GALNT13: variants seen among roughly 807,000 people sequenced by gnomAD.
GALNT13 encodes the protein polypeptide N-acetylgalactosaminyltransferase 13.
In GALNT13, 28 loss-of-function variants were observed where a neutral mutation model predicts 64.2. That is an observed-to-expected ratio of 0.44 (90% confidence interval 0.32 to 0.60). The LOEUF is 0.60. Among genes scored for constraint, GALNT13 ranks in the 20% least tolerant of loss-of-function variants. The probability of loss-of-function intolerance (pLI) is 0.05; values close to 1 mark genes in which losing one functional copy is unlikely to be tolerated. For missense variants in GALNT13, 577 were observed against 669.8 expected (o/e 0.86, Z 1.53); for synonymous variants, 214 against 224.6 (o/e 0.95, Z 0.42).
At chr2:153,704,195 A>C in the GALNT13 span, among the ~76,000 whole-genome samples, 1 of 152,172 alleles carries the variant, frequency 6.6e-6, no homozygotes, top group African/African-American at 2.4e-5. Context: ...AGAACATTAA[A>C]AACCAAACAT....
At chr2:153,316,597 C>A in the GALNT13 span, among the ~76,000 whole-genome samples, 1 of 143,802 alleles carries the variant, frequency 7.0e-6, no homozygotes. Context: ...GCCGAGATTG[C>A]GCCACTGCAC....
chr2:153,729,132 A>G, the GALNT13 span, among the ~76,000 whole-genome samples: 7 of 152,190 alleles, frequency 4.6e-5, no homozygotes, highest in African/African-American at 1.7e-4. Flanking sequence ...TCCCTAACTC[A>G]TAGCCAATAT....
chr2:153,853,599 AC>A, the GALNT13 span, among the ~76,000 whole-genome samples: 19 of 152,178 alleles, frequency 1.2e-4, no homozygotes, highest in Non-Finnish European at 2.8e-4. Context: ...ACATGCAACA[AC>A]ATGGGTGAAT....
In GALNT13 at chr2:154,153,108, T is replaced by C. The variant is rs957016413; in HGVS notation, c.311+12603T>C. Reference sequence around the variant, plus strand: ...TGATGGTGACGTACAGATGGGTTTTTGGTGTGGATGTCCTTTCTGTTTGTT... The same window carrying C: ...TGATGGTGACGTACAGATGGGTTTTCGGTGTGGATGTCCTTTCTGTTTGTT... On this transcript the variant is annotated intron_variant, in intron 4 of 12. Transcript: ENST00000392825. Among the ~76,000 whole-genome samples, 13 of 152,314 alleles carry C rather than the reference T, an allele frequency of 8.5e-5. No individual in the cohort carries two copies. In the South Asian group the frequency reaches 2.5e-3, roughly 29 times the overall value.
the GALNT13 span, among the ~76,000 whole-genome samples, chr2:153,185,284 C>T: frequency 6.6e-6 from 1 of 152,140 alleles, no homozygotes; most frequent in African/African-American, 2.4e-5. Context: ...GGTTGTATTT[C>T]TGTGGGATCA....
the GALNT13 span, among the ~76,000 whole-genome samples, chr2:153,805,897 G>A: frequency 6.6e-6 from 1 of 151,878 alleles, no homozygotes; most frequent in Non-Finnish European, 1.5e-5. Flanking sequence ...TACTAAATTT[G>A]AAATGGAAGT....
At chr2:153,775,649 G>C in the GALNT13 span, among the ~76,000 whole-genome samples, 1 of 151,774 alleles carries the variant, frequency 6.6e-6, no homozygotes, top group Non-Finnish European at 1.5e-5. Flanking sequence ...TTTTCATCAT[G>C]TACTCAGCTT....
At chr2:154,062,942 G>A (rs1266856338) in intron 3 of GALNT13, among the ~76,000 whole-genome samples, 1 of 151,772 alleles carries the variant, frequency 6.6e-6, no homozygotes, top group Non-Finnish European at 1.5e-5. Flanking sequence ...CAGTCATTTA[G>A]CATCGATGTG....
At chr2:154,172,090 A>G (rs1685386939) in intron 4 of GALNT13, among the ~76,000 whole-genome samples, 1 of 151,832 alleles carries the variant, frequency 6.6e-6, no homozygotes. Flanking sequence ...TGAGTTTCTA[A>G]CTATCTTTGC....
rs57789546 is a variant in GALNT13 at position 154,208,624 on chromosome 2, CTGTGTGTGTGTG to C, written c.312-33372_312-33361del. ...CTTATTTTAATCACGTTTTGCGTGT[CTGTGTGTGTGTG>C]TGTGTGTGTGTGTGTGTGTGTGTGT... On this transcript the variant is annotated intron_variant, in intron 4 of 12. Transcript: ENST00000392825. 5.5e-3 allele frequency among the ~76,000 whole-genome samples: 769 copies of C among 140,446 alleles called. 9 individuals carry two copies. Among genetic ancestry groups the C allele is most frequent in the African/African-American group, 0.019 (714 of 37,452 alleles). The allele number at this position is 140,446 out of a possible 152,430, so 92.1% of individuals were successfully genotyped here. A position where few individuals can be genotyped will look rare whatever the true frequency, so the allele number is the denominator to read the frequency against.
the GALNT13 span, among the ~76,000 whole-genome samples, chr2:153,813,041 T>G: frequency 1.3e-5 from 2 of 152,208 alleles, no homozygotes; most frequent in Non-Finnish European, 2.9e-5. Context: ...ATCTATACGC[T>G]TCATTTCTTA....
the GALNT13 span, among the ~76,000 whole-genome samples, chr2:153,706,280 C>G: frequency 8.5e-5 from 13 of 152,134 alleles, no homozygotes; most frequent in African/African-American, 3.1e-4. Context: ...CAGACGTGAG[C>G]TACTGCACCC....
chr2:153,777,296 A>G, the GALNT13 span, among the ~76,000 whole-genome samples: 2 of 152,234 alleles, frequency 1.3e-5, no homozygotes, highest in South Asian at 4.1e-4. Context: ...GGCAGCAGAC[A>G]CTTTCGAGTT....
the GALNT13 span, among the ~76,000 whole-genome samples, chr2:153,156,676 C>T: frequency 2.0e-5 from 3 of 152,186 alleles, no homozygotes; most frequent in South Asian, 6.2e-4. Flanking sequence ...TGTGCAATTC[C>T]CTGCTCAAAC....
At chr2:153,876,693 C>T (rs1686404932) in intron 1 of GALNT13, among the ~76,000 whole-genome samples, 1 of 152,118 alleles carries the variant, frequency 6.6e-6, no homozygotes, top group South Asian at 2.1e-4. Flanking sequence ...TGGCTAAAGA[C>T]ATCTGTGTGA....
At chr2:154,415,991 A>T (rs1266802657) in intron 11 of GALNT13, among the ~76,000 whole-genome samples, 1 of 152,144 alleles carries the variant, frequency 6.6e-6, no homozygotes, top group African/African-American at 2.4e-5. Context: ...AAATGTTTAA[A>T]TGAGTTGGAT....
chr2:153,942,249 C>A (rs1691390440), intron 2 of GALNT13, among the ~76,000 whole-genome samples: 1 of 152,050 alleles, frequency 6.6e-6, no homozygotes, highest in South Asian at 2.1e-4. Context: ...AGATACCTAC[C>A]TAAGGTCATC....
the GALNT13 span, among the ~76,000 whole-genome samples, chr2:153,555,060 C>A: frequency 1.1e-4 from 17 of 151,884 alleles, no homozygotes; most frequent in Non-Finnish European, 2.4e-4. Context: ...TCTGTAGTAC[C>A]TTTTAAAAAA....
chr2:154,348,726 G>T (rs1436708649), intron 9 of GALNT13, among the ~76,000 whole-genome samples: 1 of 151,892 alleles, frequency 6.6e-6, no homozygotes, highest in Non-Finnish European at 1.5e-5. Flanking sequence ...TAGATGGTAG[G>T]AAAACCTTCA....
Sources: gnomAD v4.1 joint callset for allele counts (sites outside exome capture counted in the v4.1 genomes callset) on GRCh38, gnomAD v4.1.1 for gene constraint, MANE v1.5 for transcripts, NCBI Gene and HGNC (gene_info 2026-07-23, HGNC 2026-07-21) for gene names.